The following CACNA1D variants were observed in gnomAD, a reference collection of about 807,000 sequenced individuals.
The protein encoded by CACNA1D is calcium voltage-gated channel subunit alpha1 D.
Under a neutral mutation model 257.1 loss-of-function variants are expected in CACNA1D, and 55 were observed. The ratio of observed to expected loss-of-function variants is 0.21; its 90% CI spans 0.17 to 0.27. The LOEUF (loss-of-function observed/expected upper bound fraction) is 0.27. CACNA1D is among the 10% of genes least tolerant of loss of function. The pLI is 1.00. For missense variants in CACNA1D, 1,876 were observed against 2,784.0 expected (o/e 0.67, Z 7.34); for synonymous variants, 980 against 1,014.9 (o/e 0.97, Z 0.65).
At chr3:53,687,244 A>G (rs553673474) in intron 8 of CACNA1D, among the ~76,000 whole-genome samples, 2 of 152,244 alleles carry the variant, frequency 1.3e-5, no homozygotes, top group South Asian at 4.1e-4. Context: ...AAATCTCAAT[A>G]GCCTTTCTTT....
chr3:53,715,140 C>A (rs1402001897), intron 9 of CACNA1D, among the ~76,000 whole-genome samples: 1 of 152,120 alleles, frequency 6.6e-6, no homozygotes, highest in African/African-American at 2.4e-5. Context: ...GGTCAGAGTG[C>A]GTTTCCTCTG....
intron 3 of CACNA1D, among the ~76,000 whole-genome samples, chr3:53,635,049 C>T (rs1396320311): frequency 6.6e-6 from 1 of 152,180 alleles, no homozygotes; most frequent in Non-Finnish European, 1.5e-5. Flanking sequence ...GCTCTGTGGA[C>T]CCTGTTCAGG....
At chr3:53,554,176 A>G (rs1019377947) in intron 3 of CACNA1D, among the ~76,000 whole-genome samples, 1 of 151,276 alleles carries the variant, frequency 6.6e-6, no homozygotes, top group African/African-American at 2.5e-5. Flanking sequence ...AGCCTGGGCA[A>G]CAGAGTGAGA....
At chr3:53,699,467 G>A (rs373884773) in intron 8 of CACNA1D, among the ~76,000 whole-genome samples, 1 of 152,190 alleles carries the variant, frequency 6.6e-6, no homozygotes, top group East Asian at 1.9e-4. Flanking sequence ...GTATTGTTGT[G>A]TCTGTTTGGA....
chr3:53,701,302 T>A (rs2094623340), intron 8 of CACNA1D, among the ~76,000 whole-genome samples: 1 of 152,080 alleles, frequency 6.6e-6, no homozygotes, highest in African/African-American at 2.4e-5. Context: ...CCCAGCTAAT[T>A]CTTTTTATTT....
chr3:53,523,251 G>T (rs1359509778), intron 3 of CACNA1D, among the ~76,000 whole-genome samples: 1 of 152,140 alleles, frequency 6.6e-6, no homozygotes, highest in East Asian at 1.9e-4. Flanking sequence ...CCTGCTGGGT[G>T]CCCTGTGTAG....
At chr3:53,556,435 C>T (rs1221657353) in intron 3 of CACNA1D, among the ~76,000 whole-genome samples, 1 of 152,130 alleles carries the variant, frequency 6.6e-6, no homozygotes, top group Non-Finnish European at 1.5e-5. Context: ...TTTATTTTAG[C>T]TTCTGTAATA....
intron 7 of CACNA1D, among the ~76,000 whole-genome samples, chr3:53,671,799 T>G (rs1055071906): frequency 7.9e-5 from 12 of 152,186 alleles, no homozygotes; most frequent in Admixed American, 2.6e-4. Context: ...TGCACGAGCC[T>G]CATTCTGTAA....
At chr3:53,537,862 T>TTGG (rs1278729926) in intron 3 of CACNA1D, among the ~76,000 whole-genome samples, 1 of 152,230 alleles carries the variant, frequency 6.6e-6, no homozygotes. Flanking sequence ...TCCTGTGAAT[T>TTGG]TGGTAGTTGG....
In CACNA1D at chr3:53,800,689, C is replaced by T. The variant is rs963986054; in HGVS notation, c.5040+324C>T. 21 of 491,396 alleles carry T rather than the reference C, an allele frequency of 4.3e-5. No homozygotes were observed. The highest frequency in any genetic ancestry group is 2.1e-4 in the African/African-American group (11 of 51,490). 30.4% of individuals were successfully genotyped at this position (491,396 alleles called of 1,614,324 possible). ...CTGCCTTTGCTACCCTCCTCCTTCCCGGGCCAGCTCTTTGATCTGCCAGCT... is the reference window on the plus strand; with the variant it reads ...CTGCCTTTGCTACCCTCCTCCTTCCTGGGCCAGCTCTTTGATCTGCCAGCT... On this transcript the variant is annotated intron_variant, in intron 41 of 47. Transcript: ENST00000350061. The surrounding 1 kb of genome is among the most constrained non-coding windows in gnomAD (Gnocchi z 4.3).
Position 53,668,198 on chromosome 3 carries a change from T to G in CACNA1D, c.1116+1663T>G, listed in dbSNP as rs536492187. Among the ~76,000 whole-genome samples the G allele has an allele frequency of 1.3e-3, 195 of 152,312 alleles. 1 individual carries two copies. Among genetic ancestry groups the G allele is most frequent in the African/African-American group, 4.5e-3 (186 of 41,568 alleles). ...CTTCTCAGCTTTGTTTTTCTCTCTATTGACATGGTGAATTGTCAGCTGCAG... is the reference window on the plus strand; with the variant it reads ...CTTCTCAGCTTTGTTTTTCTCTCTAGTGACATGGTGAATTGTCAGCTGCAG... On this transcript the variant is annotated intron_variant, in intron 7 of 47. Coordinates refer to ENST00000350061, the MANE Select transcript of CACNA1D (RefSeq NM_001128840.3).
intron 37 of CACNA1D, among the ~76,000 whole-genome samples, chr3:53,777,889 C>T (rs547671835): frequency 7.2e-5 from 11 of 152,254 alleles, no homozygotes; most frequent in East Asian, 3.9e-4. Flanking sequence ...TCAAGGAAAA[C>T]GCAAGGTTTG....
At chr3:53,632,325 T>A (rs1456853974) in intron 3 of CACNA1D, among the ~76,000 whole-genome samples, 1 of 152,256 alleles carries the variant, frequency 6.6e-6, no homozygotes, top group Non-Finnish European at 1.5e-5. Flanking sequence ...CAACTTTCTC[T>A]GCAGCTTCTT....
In CACNA1D at chr3:53,672,761, TGTGTG is replaced by T. The variant is rs1202217619; in HGVS notation, c.1117-261_1117-257del. ...CGGCCTGAAAGCCTTGATGACTCTG[TGTGTG>T]TGTGTGTGTGTGTGTGTGTGTGTGT... On this transcript the variant is annotated intron_variant, in intron 7 of 47. Transcript: ENST00000350061. 4.9e-4 allele frequency among the ~76,000 whole-genome samples: 4 copies of T among 8,090 alleles called. 1 individual carries two copies. Among genetic ancestry groups the T allele is most frequent in the African/African-American group, 2.7e-3 (4 of 1,460 alleles). 5.3% of individuals were successfully genotyped at this position (8,090 alleles called of 152,430 possible).
chr3:53,524,725 G>C (rs2091698627), intron 3 of CACNA1D, among the ~76,000 whole-genome samples: 1 of 152,176 alleles, frequency 6.6e-6, no homozygotes. Flanking sequence ...AAGTTTTCAG[G>C]CTGAATTTCT....
chr3:53,623,798 C>T (rs1229551685), intron 3 of CACNA1D, among the ~76,000 whole-genome samples: 1 of 152,202 alleles, frequency 6.6e-6, no homozygotes, highest in Non-Finnish European at 1.5e-5. Flanking sequence ...CCCCTTTTGA[C>T]TGTGATCATC....
chr3:53,775,356 C>T (rs1007659330), intron 34 of CACNA1D, among the ~76,000 whole-genome samples: 6 of 152,102 alleles, frequency 3.9e-5, no homozygotes, highest in Non-Finnish European at 5.9e-5. Flanking sequence ...GTGGGTGGAT[C>T]GCTTGAGCCC....
chr3:53,567,138 A>G (rs1575900813), intron 3 of CACNA1D, among the ~76,000 whole-genome samples: 2 of 152,168 alleles, frequency 1.3e-5, no homozygotes, highest in South Asian at 4.1e-4. Flanking sequence ...AGCCATATTC[A>G]CTGCAGGATC....
chr3:53,729,589 G>A (rs2094968812), intron 15 of CACNA1D, among the ~76,000 whole-genome samples: 1 of 152,150 alleles, frequency 6.6e-6, no homozygotes. Flanking sequence ...TCTGATTTAG[G>A]AGTCTTGTTC....
Sources: gnomAD v4.1 joint callset for allele counts (sites outside exome capture counted in the v4.1 genomes callset) on GRCh38, gnomAD v4.1.1 for gene constraint, Gnocchi (gnomAD v3.1) non-coding constraint, MANE v1.5 for transcripts, NCBI Gene and HGNC (gene_info 2026-07-23, HGNC 2026-07-21) for gene names.